CTDSP1: variants seen among roughly 807,000 people sequenced by gnomAD.
CTDSP1 encodes CTD small phosphatase 1.
Under a neutral mutation model 32.5 loss-of-function variants are expected in CTDSP1, and 15 were observed. The ratio of observed to expected loss-of-function variants is 0.46; its 90% CI spans 0.31 to 0.71. The LOEUF is 0.71. Among genes scored for constraint, CTDSP1 ranks in the 30% least tolerant of loss-of-function variants. CTDSP1 has a pLI of 0.05. For missense variants in CTDSP1, 294 were observed against 351.1 expected (o/e 0.84, Z 1.30); for synonymous variants, 185 against 145.4 (o/e 1.27, Z -1.96).
intron 1 of CTDSP1, chr2:218,401,087 C>A (rs542502058): frequency 2.8e-4 from 105 of 381,300 alleles, no homozygotes; most frequent in African/African-American, 2.0e-3. Flanking sequence ...GGCCGCGGGA[C>A]TGCACCCCTG....
upstream of CTDSP1, chr2:218,399,725 C>T (rs980690189): frequency 3.5e-5 from 35 of 1,001,132 alleles, no homozygotes; most frequent in Non-Finnish European, 4.2e-5. Context: ...TGGAGCGCGG[C>T]AGGAACCCGG....
At chr2:218,403,526 T>TCCCAGTCCTTCCTGGCA (rs1697264571) in intron 6 of CTDSP1, 109 bp downstream of exon 6, 3 of 929,824 alleles carry the variant, frequency 3.2e-6, no homozygotes, top group Non-Finnish European at 4.8e-6. Flanking sequence ...GTGGGTGCCC[T>TCCCAGTCCTTCCTGGCA]CCCAGTCCTT....
chr2:218,397,252 A>G (rs919307669), upstream of CTDSP1, among the ~76,000 whole-genome samples: 1 of 152,200 alleles, frequency 6.6e-6, no homozygotes. Flanking sequence ...CGCCAAGGTC[A>G]GTCATTTGGA....
chr2:218,398,655 C>A, upstream of CTDSP1: 1 of 392,156 alleles, frequency 2.6e-6, no homozygotes. Context: ...TCGCACCCGG[C>A]GGCCGGACGG....
chr2:218,402,286 G>T (rs1697184864), intron 3 of CTDSP1, 63 bp from the exon 4 acceptor site: 2 of 1,611,884 alleles, frequency 1.2e-6, no homozygotes, highest in Non-Finnish European at 8.5e-7. Context: ...GGAGGGAGGT[G>T]TGTGCTGGAC....
At chr2:218,401,760 C>T (rs779899761) in intron 2 of CTDSP1, 48 bp downstream of exon 2, 2 of 1,494,198 alleles carry the variant, frequency 1.3e-6, no homozygotes, top group Admixed American at 2.4e-5. Context: ...ACTCAGTCTT[C>T]AGGGCTTTAG....
chr2:218,404,949 C>G lies in CTDSP1; in HGVS notation c.*524C>G, dbSNP rs990972020. On this transcript the variant is annotated 3_prime_UTR_variant, in exon 7 of 7. Coordinates refer to ENST00000273062, the MANE Select transcript of CTDSP1 (RefSeq NM_021198.3). ...TGGGACTGAGAGGGCCCCTACCAAC[C>G]TTTGCCTCTGCCTTGGAGGGAGGGG... The G allele has an allele frequency of 6.5e-6, 1 of 154,166 alleles. No homozygotes were observed. Among genetic ancestry groups the G allele is most frequent in the Non-Finnish European group, 1.4e-5 (1 of 69,122 alleles). 9.5% of individuals were successfully genotyped at this position (154,166 alleles called of 1,614,324 possible).
At chr2:218,402,507 G>A in intron 4 of CTDSP1, 102 bp downstream of exon 4, 1 of 1,205,896 alleles carries the variant, frequency 8.3e-7, no homozygotes, top group Non-Finnish European at 1.2e-6. Context: ...GGATACATGT[G>A]GAATGTCAGA....
upstream of CTDSP1, chr2:218,396,983 G>A (rs1029253229): frequency 3.3e-5 from 5 of 152,588 alleles, no homozygotes; most frequent in East Asian, 1.9e-4. Context: ...GCCAGCCAGG[G>A]AAGGGGACTG....
rs929100266 is a variant in CTDSP1, at chr2:218,404,520, C to T, written c.*95C>T. 1.0e-4 allele frequency: 154 copies of T among 1,482,752 alleles called. 1 individual carries two copies. The highest frequency in any genetic ancestry group is 4.7e-4 in the Middle Eastern group (2 of 4,224). The allele number at this position is 1,482,752 out of a possible 1,614,324, so 91.8% of individuals were successfully genotyped here. ...GGCCTTTGTTAGGAAAACCCATGGG[C>T]CGCCGCCACACTCAGTGCCATGGGG... On this transcript the variant is annotated 3_prime_UTR_variant, in exon 7 of 7. Transcript: ENST00000273062.
At chr2:218,396,517 C>T (rs763172778), upstream of CTDSP1, 2 of 152,436 alleles carry the variant, frequency 1.3e-5, no homozygotes, top group Admixed American at 6.5e-5. Flanking sequence ...GCGCTCAGGT[C>T]CGGACGCTTG....
At chr2:218,399,559 C>T (rs1287459495), upstream of CTDSP1, 1 of 180,318 alleles carries the variant, frequency 5.5e-6, no homozygotes, top group East Asian at 1.9e-4. Flanking sequence ...GGAGCCGCGC[C>T]GCACTCGGGC....
upstream of CTDSP1, chr2:218,398,449 G>T (rs188423327): frequency 2.3e-5 from 36 of 1,533,388 alleles, no homozygotes; most frequent in Non-Finnish European, 3.1e-5. Context: ...GGAGCAGGAG[G>T]AGGGCCGAGG....
At position 218,404,503 on chromosome 2, in the gene CTDSP1, T is replaced by G. The variant is rs954003865; in HGVS notation, c.*78T>G. 1.3e-6 allele frequency: 2 copies of G among 1,567,902 alleles called. No individual in the cohort carries two copies. The highest frequency in any genetic ancestry group is 1.7e-5 in the Admixed American group (1 of 57,436). ...CCCAGGAAGACTGCCCAGGCCTTTG[T>G]TAGGAAAACCCATGGGCCGCCGCCA... is the stretch of plus-strand genomic sequence containing the variant. On this transcript the variant is annotated 3_prime_UTR_variant, in exon 7 of 7. Coordinates refer to ENST00000273062, the MANE Select transcript of CTDSP1 (RefSeq NM_021198.3).
At chr2:218,402,328 G>A (rs1327382495) in intron 3 of CTDSP1, 21 bp from the exon 4 acceptor site, 1 of 1,613,926 alleles carries the variant, frequency 6.2e-7, no homozygotes. Context: ...TCCAACTCCA[G>A]CAGCTCTTTT....
intron 1 of CTDSP1, 196 bp from the exon 2 acceptor site, chr2:218,401,368 G>T (rs1697128301): frequency 6.5e-6 from 4 of 612,920 alleles, no homozygotes; most frequent in Non-Finnish European, 8.6e-6. Context: ...ATTTGTCTGG[G>T]AGCTGCAGGA....
At chr2:218,402,668 C>G in intron 4 of CTDSP1, 1 of 766,398 alleles carries the variant, frequency 1.3e-6, no homozygotes, top group Non-Finnish European at 2.4e-6. Context: ...TCAAGTAATT[C>G]AGGATAGGTT....
chr2:218,404,286 C>T lies in CTDSP1; in HGVS notation c.658-11C>T. 1 of 1,613,696 alleles carries T rather than the reference C, an allele frequency of 6.2e-7. No individual in the cohort carries two copies. On this transcript the variant is annotated splice_polypyrimidine_tract_variant and intron_variant, in intron 6 of 6. Coordinates refer to ENST00000273062, the MANE Select transcript of CTDSP1 (RefSeq NM_021198.3). ...CCTGCCCCCCTCATCTTCCTACACC[C>T]ACTTCCCCAGGTACCGGTGGCCTCG... is the stretch of plus-strand genomic sequence containing the variant.
upstream of CTDSP1, chr2:218,398,407 A>G (rs1380646088): frequency 6.5e-7 from 1 of 1,535,072 alleles, no homozygotes; most frequent in Non-Finnish European, 8.7e-7. Flanking sequence ...ACGGTGATGA[A>G]GCGCAATGGT....
Sources: gnomAD v4.1 joint callset for allele counts (sites outside exome capture counted in the v4.1 genomes callset) on GRCh38, gnomAD v4.1.1 for gene constraint, MANE v1.5 for transcripts, NCBI Gene and HGNC (gene_info 2026-07-23, HGNC 2026-07-21) for gene names.